Variants in GRIN2A observed in about 807,000 individuals in gnomAD.
GRIN2A encodes the protein glutamate ionotropic receptor NMDA type subunit 2A, also known as glutamate receptor ionotropic, NMDA 2A.
Under a neutral mutation model 113.4 loss-of-function variants are expected in GRIN2A, and 22 were observed. The ratio of observed to expected loss-of-function variants is 0.19; its 90% CI spans 0.14 to 0.28. GRIN2A has a LOEUF of 0.28. Ranked by LOEUF, GRIN2A falls within the 10% of genes least tolerant of loss-of-function variation. GRIN2A has a pLI of 1.00. For missense variants in GRIN2A, 1,502 were observed against 1,887.0 expected (o/e 0.80, Z 3.78); for synonymous variants, 827 against 738.4 (o/e 1.12, Z -1.94).
At position 9,757,053 on chromosome 16, in the gene GRIN2A, G is replaced by A. The variant is rs1360635437; in HGVS notation, c.*6096C>T. 4.9e-6 allele frequency: 1 copy of A among 204,972 alleles called. No individual in the cohort carries two copies. Among genetic ancestry groups the A allele is most frequent in the African/African-American group, 2.3e-5 (1 of 43,832 alleles). The allele number at this position is 204,972 out of a possible 1,614,324, so 12.7% of individuals were successfully genotyped here. A position where few individuals can be genotyped will look rare whatever the true frequency, so the allele number is the denominator to read the frequency against. ...AACAAAACCAAACAAAAAAGCTTTA[G>A]GGAAATGCTTCGTCTTTTTACATCA... On this transcript the variant is annotated 3_prime_UTR_variant, in exon 13 of 13. Transcript: ENST00000330684.
chr16:10,140,705 T>A (rs1430000520), intron 2 of GRIN2A, among the ~76,000 whole-genome samples: 3 of 152,080 alleles, frequency 2.0e-5, no homozygotes, highest in African/African-American at 7.2e-5. Context: ...AACAATGTGA[T>A]TGGTTGATTT....
intron 2 of GRIN2A, among the ~76,000 whole-genome samples, chr16:10,055,366 C>T (rs2047439509): frequency 6.6e-6 from 1 of 152,112 alleles, no homozygotes; most frequent in African/African-American, 2.4e-5. Flanking sequence ...ATTGTCAGTA[C>T]ATGGTTGTTT....
chr16:10,088,139 G>A (rs538635165), intron 2 of GRIN2A, among the ~76,000 whole-genome samples: 2 of 152,206 alleles, frequency 1.3e-5, no homozygotes, highest in East Asian at 1.9e-4. Flanking sequence ...CCTCTCCCTT[G>A]AGAAACGCAC....
intron 2 of GRIN2A, among the ~76,000 whole-genome samples, chr16:10,049,867 T>A (rs531644125): frequency 9.2e-5 from 14 of 152,338 alleles, no homozygotes; most frequent in Non-Finnish European, 1.8e-4. Context: ...AGCTTTCAAT[T>A]AATATTTGCT....
intron 4 of GRIN2A, 65 bp from the exon 5 acceptor site, chr16:9,850,026 C>A (rs879085333): frequency 1.5e-6 from 2 of 1,346,976 alleles, no homozygotes; most frequent in South Asian, 2.3e-5. Context: ...AGAGGCAAAT[C>A]CTTTCCCTGC....
intron 2 of GRIN2A, among the ~76,000 whole-genome samples, chr16:9,944,987 C>T (rs1055833190): frequency 6.6e-6 from 1 of 152,010 alleles, no homozygotes; most frequent in Admixed American, 6.6e-5. Context: ...ATGAATTTTA[C>T]ATTCTTAGGG....
intron 2 of GRIN2A, among the ~76,000 whole-genome samples, chr16:10,154,912 CA>C (rs2049657132): frequency 3.3e-5 from 5 of 152,108 alleles, no homozygotes. Flanking sequence ...CCAACAAGAA[CA>C]AGTGTTGTAT....
intron 4 of GRIN2A, among the ~76,000 whole-genome samples, chr16:9,880,215 G>T (rs746174393): frequency 6.6e-6 from 1 of 152,114 alleles, no homozygotes; most frequent in Admixed American, 6.5e-5. Flanking sequence ...CCTCCTTGGG[G>T]TTATATGTCT....
In GRIN2A at chr16:9,822,182, G is replaced by A. The variant is rs937447361; in HGVS notation, c.2168+82C>T. The A allele has an allele frequency of 5.9e-6, 8 of 1,358,960 alleles. No homozygotes were observed. The African/African-American group carries it at 1.1e-4, about 19-fold the overall frequency. 84.2% of individuals were successfully genotyped at this position (1,358,960 alleles called of 1,614,324 possible). A position where few individuals can be genotyped will look rare whatever the true frequency, so the allele number is the denominator to read the frequency against. On this transcript the variant is annotated intron_variant, in intron 10 of 12. Coordinates refer to ENST00000330684, the MANE Select transcript of GRIN2A (RefSeq NM_001134407.3). ...TCCAGAAATACAATGGGAGCAGATA[G>A]GAACTGAGGCATGCCGAGAGTCAAT...
chr16:9,776,952 T>C (rs570663332), intron 11 of GRIN2A, among the ~76,000 whole-genome samples: 42 of 152,260 alleles, frequency 2.8e-4, no homozygotes, highest in African/African-American at 8.4e-4. Flanking sequence ...GGACACAGAA[T>C]TGGGGCCAAA....
At chr16:9,872,724 C>T (rs542270058) in intron 4 of GRIN2A, among the ~76,000 whole-genome samples, 88 of 152,126 alleles carry the variant, frequency 5.8e-4, no homozygotes, top group African/African-American at 2.0e-3. Flanking sequence ...AACTCAGACA[C>T]AGAGAGACAA....
chr16:9,845,312 C>T (rs2042752788), intron 5 of GRIN2A, among the ~76,000 whole-genome samples: 1 of 152,184 alleles, frequency 6.6e-6, no homozygotes, highest in African/African-American at 2.4e-5. Context: ...AAATGTGACT[C>T]AGTACTTGGG....
At chr16:9,996,838 C>A (rs3913375) in intron 2 of GRIN2A, among the ~76,000 whole-genome samples, 23,051 of 152,074 alleles carry the variant, frequency 0.15, 2,060 homozygotes, top group East Asian at 0.36. Context: ...CAGTTCTTAA[C>A]AAAGAAAACA....
chr16:10,133,817 A>G (rs1206749873), intron 2 of GRIN2A, among the ~76,000 whole-genome samples: 7 of 152,092 alleles, frequency 4.6e-5, no homozygotes, highest in Non-Finnish European at 7.4e-5. Context: ...GATATCAGTT[A>G]CAGGGGTTTT....
At chr16:9,963,664 T>C (rs1044065595) in intron 2 of GRIN2A, among the ~76,000 whole-genome samples, 7 of 152,220 alleles carry the variant, frequency 4.6e-5, no homozygotes, top group African/African-American at 1.7e-4. Context: ...CTCCATAAAG[T>C]ACCACTGAAA....
chr16:9,763,898 T>C lies in GRIN2A; in HGVS notation c.3646A>G (p.Ser1216Gly). The C allele has an allele frequency of 6.2e-7, 1 of 1,614,148 alleles. No homozygotes were observed. Among genetic ancestry groups the C allele is most frequent in the East Asian group, 2.2e-5 (1 of 44,868 alleles). The change falls in exon 13 of 13, where the codon AGC (serine) becomes GGC (glycine). Residue 1216 changes from serine to glycine, a missense_variant. By Grantham distance (56) the Ser-to-Gly change is moderately conservative. Transcript: ENST00000330684. ...TAGGTGGGCATGTTGGAAAGGCAGC[T>C]TCTGCAGTGCGTGGAGTTCTGCCGG... ...RYRQNSTHCR[S>G]CLSNMPTYSG...
chr16:10,139,499 G>T (rs902909904), intron 2 of GRIN2A, among the ~76,000 whole-genome samples: 3 of 152,204 alleles, frequency 2.0e-5, no homozygotes, highest in Admixed American at 6.5e-5. Flanking sequence ...CTGTCTGTAG[G>T]GTTTGGCCTG....
At chr16:10,113,600 T>C (rs375299976) in intron 2 of GRIN2A, among the ~76,000 whole-genome samples, 26 of 152,350 alleles carry the variant, frequency 1.7e-4, no homozygotes, top group African/African-American at 6.0e-4. Context: ...AAATTATGCT[T>C]ACAGAGATTT....
At chr16:9,915,037 C>T (rs554695439) in intron 3 of GRIN2A, among the ~76,000 whole-genome samples, 53 of 145,148 alleles carry the variant, frequency 3.7e-4, no homozygotes, top group Non-Finnish European at 6.9e-4. Flanking sequence ...CCCGGGTTCA[C>T]GCCATTCTCC....
Sources: gnomAD v4.1 joint callset for allele counts (sites outside exome capture counted in the v4.1 genomes callset) on GRCh38, gnomAD v4.1.1 for gene constraint, MANE v1.5 for transcripts, NCBI Gene and HGNC (gene_info 2026-07-23, HGNC 2026-07-21) for gene names.